FBXO34: variants seen among roughly 807,000 people sequenced by gnomAD.
FBXO34 encodes F-box only protein 34.
A neutral mutation model predicts 24.5 loss-of-function variants in FBXO34; 12 were observed. The observed-to-expected ratio is 0.49, with a 90% CI of 0.31 to 0.79. FBXO34 has a LOEUF of 0.79. Among genes scored for constraint, FBXO34 ranks in the 30% least tolerant of loss-of-function variants. The probability of loss-of-function intolerance (pLI) is 0.04; values close to 1 mark genes in which losing one functional copy is unlikely to be tolerated. For synonymous variants in FBXO34, 320 were observed against 311.9 expected (o/e 1.03, Z -0.27); for missense variants, 823 against 857.7 (o/e 0.96, Z 0.51).
intron 1 of FBXO34, among the ~76,000 whole-genome samples, chr14:55,314,668 G>A (rs915202911): frequency 6.6e-6 from 1 of 152,098 alleles, no homozygotes; most frequent in Non-Finnish European, 1.5e-5. Flanking sequence ...AATTTTTGTT[G>A]TAGAAAAATT....
chr14:55,434,057 G>A, the FBXO34 span, among the ~76,000 whole-genome samples: 2 of 152,100 alleles, frequency 1.3e-5, no homozygotes, highest in Admixed American at 6.5e-5. Flanking sequence ...CACAGGAAGT[G>A]GTAAAGTTAA....
At chr14:55,327,045 A>T (rs1883364418) in intron 1 of FBXO34, among the ~76,000 whole-genome samples, 1 of 152,176 alleles carries the variant, frequency 6.6e-6, no homozygotes, top group South Asian at 2.1e-4. Flanking sequence ...TGCTGCAGAG[A>T]ATGTATAGCA....
chr14:55,323,423 C>G (rs1883233947), intron 1 of FBXO34, among the ~76,000 whole-genome samples: 1 of 149,096 alleles, frequency 6.7e-6, no homozygotes, highest in South Asian at 2.1e-4. Flanking sequence ...TCGCTCTGTC[C>G]CCAGGCTTGA....
chr14:55,331,701 A>ATG (rs1883557309), intron 1 of FBXO34, among the ~76,000 whole-genome samples: 1 of 66,734 alleles, frequency 1.5e-5, no homozygotes, highest in African/African-American at 1.6e-4. Flanking sequence ...ATATATATAT[A>ATG]TATGTATATA....
chr14:55,421,922 A>G, the FBXO34 span, among the ~76,000 whole-genome samples: 2 of 152,200 alleles, frequency 1.3e-5, no homozygotes, highest in Non-Finnish European at 2.9e-5. Context: ...AAAAGTCTCA[A>G]TTTTTTTAGA....
chr14:55,396,101 G>A, the FBXO34 span: 11 of 662,180 alleles, frequency 1.7e-5, no homozygotes, highest in East Asian at 6.4e-5. Flanking sequence ...ATATCAAAAC[G>A]GGACTTAGCA....
At chr14:55,273,305 A>G (rs1221103310) in intron 1 of FBXO34, among the ~76,000 whole-genome samples, 1 of 152,208 alleles carries the variant, frequency 6.6e-6, no homozygotes, top group Non-Finnish European at 1.5e-5. Context: ...CAGGCAGGAA[A>G]TAAAAGCAAA....
chr14:55,362,850 TAGGGAAATAA>T (rs1674392810), downstream of FBXO34, among the ~76,000 whole-genome samples: 1 of 152,024 alleles, frequency 6.6e-6, no homozygotes, highest in Non-Finnish European at 1.5e-5. Flanking sequence ...TTTTTTTAAT[TAGGGAAATAA>T]GCTGCTGGAA....
the FBXO34 span, among the ~76,000 whole-genome samples, chr14:55,405,586 C>G: frequency 6.6e-6 from 1 of 152,200 alleles, no homozygotes; most frequent in Admixed American, 6.5e-5. Flanking sequence ...CCCATTCCCC[C>G]ACCTAACATG....
At chr14:55,277,312 TTTAA>T (rs1182445550) in intron 1 of FBXO34, among the ~76,000 whole-genome samples, 1 of 152,116 alleles carries the variant, frequency 6.6e-6, no homozygotes, top group African/African-American at 2.4e-5. Flanking sequence ...TGCTATATGA[TTTAA>T]TTTTTTGTTT....
chr14:55,429,056 T>A, the FBXO34 span: 1 of 1,505,706 alleles, frequency 6.6e-7, no homozygotes, highest in African/African-American at 1.4e-5. Context: ...TTGTTACCAT[T>A]TGTACCACGT....
intron 1 of FBXO34, among the ~76,000 whole-genome samples, chr14:55,323,174 G>C: frequency 1.5e-5 from 1 of 66,848 alleles, no homozygotes; most frequent in Non-Finnish European, 2.5e-5. Flanking sequence ...GACAGAGTGA[G>C]ACTCTGTCTC....
chr14:55,342,051 G>A lies in FBXO34; in HGVS notation c.-10-8330G>A, dbSNP rs185460792. Among the ~76,000 whole-genome samples, 549 of 152,148 alleles carry A rather than the reference G, an allele frequency of 3.6e-3. 2 individuals carry two copies. The highest frequency in any genetic ancestry group is 6.0e-3 in the Non-Finnish European group (408 of 68,004). The stretch of plus-strand genomic sequence containing the variant: ...AACTATTAGGTGTTGCATTTATTGC[G>A]AGCACAAAAGAAAACCAAAGTGTAG... On this transcript the variant is annotated intron_variant, in intron 1 of 1. Coordinates refer to ENST00000313833, the MANE Select transcript of FBXO34 (RefSeq NM_017943.4).
chr14:55,370,802 G>A (rs940052919), downstream of FBXO34, among the ~76,000 whole-genome samples: 128 of 152,040 alleles, frequency 8.4e-4, no homozygotes, highest in African/African-American at 2.9e-3. Flanking sequence ...CACCATGCCC[G>A]GCTAATTTTT....
the FBXO34 span, among the ~76,000 whole-genome samples, chr14:55,425,419 A>G: frequency 6.6e-6 from 1 of 152,246 alleles, no homozygotes; most frequent in African/African-American, 2.4e-5. Context: ...AGACTTAGAA[A>G]AGAGAAAACA....
At chr14:55,439,095 G>A in the FBXO34 span, among the ~76,000 whole-genome samples, 56 of 151,716 alleles carry the variant, frequency 3.7e-4, 1 homozygote, top group East Asian at 7.6e-3. Flanking sequence ...CTGCCACCAC[G>A]CCCAGCTAAT....
At chr14:55,314,877 C>G (rs1882876318) in intron 1 of FBXO34, among the ~76,000 whole-genome samples, 1 of 152,256 alleles carries the variant, frequency 6.6e-6, no homozygotes, top group South Asian at 2.1e-4. Context: ...CACTTCATCC[C>G]CCCACTTCTC....
At chr14:55,380,801 G>A in the FBXO34 span, 1 of 531,900 alleles carries the variant, frequency 1.9e-6, no homozygotes, top group Non-Finnish European at 3.1e-6. Context: ...TTACGTTTTA[G>A]TGCTTCCTTA....
At chr14:55,290,852 C>T (rs993286373) in intron 1 of FBXO34, among the ~76,000 whole-genome samples, 4 of 152,158 alleles carry the variant, frequency 2.6e-5, no homozygotes, top group African/African-American at 4.8e-5. Flanking sequence ...GAGACAGAGT[C>T]TCTGTTGCCC....
Sources: gnomAD v4.1 joint callset for allele counts (sites outside exome capture counted in the v4.1 genomes callset) on GRCh38, gnomAD v4.1.1 for gene constraint, MANE v1.5 for transcripts, NCBI Gene and HGNC (gene_info 2026-07-23, HGNC 2026-07-21) for gene names.